Variants in GALNT16 observed in about 807,000 individuals in gnomAD.
The protein encoded by GALNT16 is UDP-GalNAc:polypeptide N-acetylgalactosaminyltransferase-like protein 1.
Under a neutral mutation model 76.1 loss-of-function variants are expected in GALNT16, and 40 were observed. The ratio of observed to expected loss-of-function variants is 0.53; its 90% CI spans 0.41 to 0.68. The LOEUF (loss-of-function observed/expected upper bound fraction) is 0.68, where lower values mean the gene tolerates loss of function less well. GALNT16 is among the 30% of genes least tolerant of loss of function. GALNT16 has a pLI of 0.00. For synonymous variants in GALNT16, 276 were observed against 285.2 expected (o/e 0.97, Z 0.32); for missense variants, 621 against 731.9 (o/e 0.85, Z 1.75).
At chr14:69,276,616 G>T (rs2044474381) in intron 1 of GALNT16, among the ~76,000 whole-genome samples, 1 of 151,884 alleles carries the variant, frequency 6.6e-6, no homozygotes, top group African/African-American at 2.4e-5. Flanking sequence ...AGGAGGTGGA[G>T]GTTGCAGTGA....
intron 12 of GALNT16, among the ~76,000 whole-genome samples, chr14:69,345,872 C>T (rs1176392848): frequency 1.3e-5 from 2 of 150,954 alleles, no homozygotes; most frequent in African/African-American, 5.0e-5. Flanking sequence ...TTCACAGAGT[C>T]ATTTTTTAAA....
At chr14:69,342,811 C>T (rs969013500) in intron 12 of GALNT16, among the ~76,000 whole-genome samples, 4 of 152,116 alleles carry the variant, frequency 2.6e-5, no homozygotes, top group Admixed American at 6.5e-5. Context: ...TGGTTCATTT[C>T]CTCACCTTCC....
At chr14:69,303,284 G>T (rs547480563) in intron 1 of GALNT16, among the ~76,000 whole-genome samples, 1 of 152,160 alleles carries the variant, frequency 6.6e-6, no homozygotes, top group Admixed American at 6.5e-5. Flanking sequence ...AGCTAAAATG[G>T]ATGGGGCCTG....
rs757075783 is a variant in GALNT16 at position 69,341,670 on chromosome 14, TC to T, written c.1188-9del. 10 of 1,601,034 alleles carry T rather than the reference TC, an allele frequency of 6.2e-6. No homozygotes were observed. Among genetic ancestry groups the T allele is most frequent in the Non-Finnish European group, 8.5e-6 (10 of 1,170,776 alleles). ...GGCAGGCCAAAGCCCAAGCCCTGCC[TC>T]CTCCTACAGTGTGGCTACGCGGATA... On this transcript the variant is annotated splice_polypyrimidine_tract_variant and intron_variant, in intron 11 of 14. Transcript: ENST00000448469.
At chr14:69,287,570 TTACACGTCTCTGG>T (rs999482093) in intron 1 of GALNT16, among the ~76,000 whole-genome samples, 18 of 152,304 alleles carry the variant, frequency 1.2e-4, no homozygotes, top group African/African-American at 4.3e-4. Flanking sequence ...GCTCCCTCCC[TTACACGTCTCTGG>T]ATGTTTTGTC....
the GALNT16 span, among the ~76,000 whole-genome samples, chr14:69,375,603 CT>C: frequency 3.3e-5 from 5 of 151,404 alleles, no homozygotes; most frequent in East Asian, 1.9e-4. Context: ...CTTTTGGATT[CT>C]TTTTTTTTAA....
the GALNT16 span, among the ~76,000 whole-genome samples, chr14:69,366,082 T>A: frequency 3.9e-5 from 6 of 152,210 alleles, no homozygotes; most frequent in Admixed American, 2.0e-4. Context: ...TCAGTTGGCA[T>A]TTGATGCAAG....
chr14:69,328,399 G>A (rs765779123), intron 5 of GALNT16, 51 bp from the exon 6 acceptor site: 4 of 1,583,146 alleles, frequency 2.5e-6, no homozygotes, highest in Non-Finnish European at 3.4e-6. Context: ...GGACAGGTGG[G>A]AAGCCAGTTG....
intron 2 of GALNT16, among the ~76,000 whole-genome samples, chr14:69,321,840 T>C (rs908845791): frequency 1.3e-5 from 2 of 152,264 alleles, no homozygotes; most frequent in Admixed American, 1.3e-4. Context: ...CAGGGCGCTG[T>C]TGGAGCTGAC....
chr14:69,314,309 T>A (rs185615388), intron 1 of GALNT16, among the ~76,000 whole-genome samples: 16 of 152,334 alleles, frequency 1.1e-4, no homozygotes, highest in African/African-American at 3.6e-4. Context: ...AAGAAACATG[T>A]TCAGAAAGGG....
intron 1 of GALNT16, among the ~76,000 whole-genome samples, chr14:69,297,631 C>CAAAA (rs11433868): frequency 1.6e-4 from 23 of 144,444 alleles, no homozygotes; most frequent in African/African-American, 4.0e-4. Context: ...TTGGAAAAGC[C>CAAAA]AAAAAAAAAA....
rs11455250 is a variant in GALNT16 at position 69,295,786 on chromosome 14, A to ATT, written c.178-24917_178-24916dup. ...CTTTCATCGAAACCACTCACAATAT[A>ATT]TTTTTTTTTCTGGAGTACTTAATTT... is the stretch of plus-strand genomic sequence containing the variant. On this transcript the variant is annotated intron_variant, in intron 1 of 14. Transcript: ENST00000448469. Among the ~76,000 whole-genome samples, 90 of 151,576 alleles carry ATT rather than the reference A, an allele frequency of 5.9e-4. No individual in the cohort carries two copies. The East Asian group carries it at 0.013, about 21-fold the overall frequency.
chr14:69,281,841 G>A (rs61980298), intron 1 of GALNT16, among the ~76,000 whole-genome samples: 15,977 of 152,224 alleles, frequency 0.1, 1,090 homozygotes, highest in Middle Eastern at 0.16. Flanking sequence ...CTGCCCGAGG[G>A]TGGGTGCTGG....
At chr14:69,299,877 T>G (rs569595397) in intron 1 of GALNT16, among the ~76,000 whole-genome samples, 1 of 152,306 alleles carries the variant, frequency 6.6e-6, no homozygotes, top group South Asian at 2.1e-4. Flanking sequence ...TTCCCACAGA[T>G]TCTGTCCTTA....
At position 69,282,650 on chromosome 14, in the gene GALNT16, CTATT is replaced by C. The variant is rs34689381; in HGVS notation, c.177+22213_177+22216del. On this transcript the variant is annotated intron_variant, in intron 1 of 14. Coordinates refer to ENST00000448469, the MANE Select transcript of GALNT16 (RefSeq NM_001168368.2). ...CTAAGTGCAGGCTTAAGAATTTGTC[CTATT>C]TATTTATTTATTTATTTATTTATTT... Among the ~76,000 whole-genome samples the C allele has an allele frequency of 6.8e-4, 100 of 147,342 alleles. No homozygotes were observed. The Middle Eastern group carries it at 0.01, about 15-fold the overall frequency.
rs781637386 is a variant in GALNT16, at chr14:69,348,085, CT to C, written c.1539+84del. On this transcript the variant is annotated intron_variant, in intron 14 of 14. Coordinates refer to ENST00000448469, the MANE Select transcript of GALNT16 (RefSeq NM_001168368.2). ...GTGGCAGACCTTGGCAGGAGAGCCCCTGATTGACTCAAATAAGCCCTTCAGA... is the reference window on the plus strand; with the variant it reads ...GTGGCAGACCTTGGCAGGAGAGCCCCGATTGACTCAAATAAGCCCTTCAGA... 20 of 1,424,992 alleles carry C rather than the reference CT, an allele frequency of 1.4e-5. No individual in the cohort carries two copies. In the African/African-American group the frequency reaches 2.2e-4, roughly 16 times the overall value. The allele number at this position is 1,424,992 out of a possible 1,614,324, so 88.3% of individuals were successfully genotyped here.
chr14:69,290,030 C>T (rs369335431), intron 1 of GALNT16, among the ~76,000 whole-genome samples: 4 of 152,288 alleles, frequency 2.6e-5, no homozygotes, highest in Non-Finnish European at 2.9e-5. Context: ...TAAGCCACCA[C>T]GCCTGGCCTG....
At chr14:69,307,749 A>G (rs1408374560) in intron 1 of GALNT16, among the ~76,000 whole-genome samples, 1 of 152,142 alleles carries the variant, frequency 6.6e-6, no homozygotes, top group African/African-American at 2.4e-5. Flanking sequence ...ACTTTAGAAA[A>G]TATGTTTTTT....
Position 69,333,857 on chromosome 14 carries a change from C to T in GALNT16, c.967+257C>T. The T allele has an allele frequency of 2.2e-6, 1 of 446,188 alleles. No individual in the cohort carries two copies. Among genetic ancestry groups the T allele is most frequent in the Non-Finnish European group, 4.0e-6 (1 of 252,074 alleles). The allele number at this position is 446,188 out of a possible 1,614,324, so 27.6% of individuals were successfully genotyped here. On this transcript the variant is annotated intron_variant, in intron 9 of 14. Transcript: ENST00000448469. The surrounding 1 kb of genome is among the most constrained non-coding windows in gnomAD (Gnocchi z 4.2). ...ACAAAGAGGTTCTATTTAGGGGGAG[C>T]CCGTGGTCACATGGCTGGACATGTG...
Sources: gnomAD v4.1 joint callset for allele counts (sites outside exome capture counted in the v4.1 genomes callset) on GRCh38, gnomAD v4.1.1 for gene constraint, Gnocchi (gnomAD v3.1) non-coding constraint, MANE v1.5 for transcripts, NCBI Gene and HGNC (gene_info 2026-07-23, HGNC 2026-07-21) for gene names.